NUSAP1: variants seen among roughly 807,000 people sequenced by gnomAD.
NUSAP1 encodes nucleolar and spindle-associated protein 1.
Under a neutral mutation model 52.8 loss-of-function variants are expected in NUSAP1, and 32 were observed. The observed-to-expected ratio is 0.61, with a 90% CI of 0.46 to 0.81. The LOEUF (loss-of-function observed/expected upper bound fraction) is 0.81. NUSAP1 is among the 40% of genes least tolerant of loss of function. NUSAP1 has a pLI of 0.00. For synonymous variants in NUSAP1, 195 were observed against 183.1 expected, an observed-to-expected ratio of 1.06 and a Z score of -0.52; for missense variants, 499 against 522.3, an observed-to-expected ratio of 0.96 and a Z score of 0.43.
chr15:41,365,708 C>T, intron 7 of NUSAP1, 119 bp downstream of exon 7: 5 of 585,232 alleles, frequency 8.5e-6, no homozygotes, highest in South Asian at 8.4e-5. Context: ...AGTGATGTTT[C>T]TTTTCTTTTC....
intron 7 of NUSAP1, among the ~76,000 whole-genome samples, chr15:41,370,158 G>A (rs1304225758): frequency 6.6e-6 from 1 of 151,662 alleles, no homozygotes; most frequent in Non-Finnish European, 1.5e-5. Context: ...GAGACGGGCG[G>A]ATCATGAGGT....
At chr15:41,348,420 A>G (rs533041650) in intron 2 of NUSAP1, among the ~76,000 whole-genome samples, 21 of 151,964 alleles carry the variant, frequency 1.4e-4, no homozygotes, top group African/African-American at 4.8e-4. Context: ...GGGTTTTGCC[A>G]TGTTGCCCAG....
At chr15:41,365,029 G>A (rs1024037347) in intron 6 of NUSAP1, among the ~76,000 whole-genome samples, 3 of 152,164 alleles carry the variant, frequency 2.0e-5, no homozygotes, top group African/African-American at 4.8e-5. Flanking sequence ...AGGTAGAATA[G>A]GATGAGGTGA....
Sources: gnomAD v4.1 joint callset for allele counts (sites outside exome capture counted in the v4.1 genomes callset) on GRCh38, gnomAD v4.1.1 for gene constraint, MANE v1.5 for transcripts, NCBI Gene and HGNC (gene_info 2026-07-23, HGNC 2026-07-21) for gene names.